PAPLN: variants seen among roughly 807,000 people sequenced by gnomAD.
PAPLN encodes the protein papilin.
Under a neutral mutation model 159.0 loss-of-function variants are expected in PAPLN, and 146 were observed. The ratio of observed to expected loss-of-function variants is 0.92; its 90% CI spans 0.80 to 1.05. The LOEUF (loss-of-function observed/expected upper bound fraction) is 1.05. Among genes scored for constraint, PAPLN ranks in the 50% least tolerant of loss-of-function variants. The pLI is 0.00. For synonymous variants in PAPLN, 734 were observed against 702.9 expected (o/e 1.04, Z -0.70); for missense variants, 1,720 against 1,743.9 (o/e 0.99, Z 0.24).
chr14:73,250,056 T>G lies in PAPLN; in HGVS notation c.407T>G (p.Val136Gly). ...TACTACAAGCACAGGGAGGCTGTGG[T>G]TGATGGGACGCCCTGCGAGCCTGGC... Reference protein sequence around the residue: ...NFYYKHREAVVDGTPCEPGKR... With the variant: ...NFYYKHREAVGDGTPCEPGKR... Residue 136 changes from valine to glycine, a missense_variant, in exon 6 of 27, where the codon GTT becomes GGT. By Grantham distance (109) the Val-to-Gly change is moderately radical. Coordinates refer to ENST00000644200, the MANE Select transcript of PAPLN (RefSeq NM_001365906.3). The G allele has an allele frequency of 6.2e-7, 1 of 1,613,378 alleles. No individual in the cohort carries two copies. Among genetic ancestry groups the G allele is most frequent in the Non-Finnish European group, 8.5e-7 (1 of 1,179,706 alleles).
intron 14 of PAPLN, 28 bp from the exon 15 acceptor site, chr14:73,258,951 C>A (rs2293797): frequency 0.11 from 171,814 of 1,586,834 alleles, 10,914 homozygotes; most frequent in Admixed American, 0.24. Context: ...CCCTCTCCGT[C>A]CCACATGGAC....
At chr14:73,249,875 C>A (rs1435188389) in intron 5 of PAPLN, 109 bp from the exon 6 acceptor site, 1 of 1,312,230 alleles carries the variant, frequency 7.6e-7, no homozygotes, top group East Asian at 2.8e-5. Flanking sequence ...GCGGGGCCTG[C>A]TGCAGGGCTT....
Position 73,265,321 on chromosome 14 carries a change from C to A in PAPLN, c.3126-49C>A. 1.3e-6 allele frequency: 2 copies of A among 1,586,388 alleles called. No individual in the cohort carries two copies. The highest frequency in any genetic ancestry group is 1.7e-6 in the Non-Finnish European group (2 of 1,170,308). ...GTGCAGAGGTGCCCATGGGAGTAGG[C>A]GGGGGCAACGGCAAGGGCCCCTCAT... On this transcript the variant is annotated intron_variant, in intron 22 of 26. Transcript: ENST00000644200. The surrounding 1 kb of genome is among the most constrained non-coding windows in gnomAD (Gnocchi z 4.1).
rs770612844 is a variant in PAPLN at position 73,250,121 on chromosome 14, G to A, written c.465+7G>A. On this transcript the variant is annotated splice_region_variant and intron_variant, in intron 6 of 26. Coordinates refer to ENST00000644200, the MANE Select transcript of PAPLN (RefSeq NM_001365906.3). ...TGTGGATGGCAGCTGCCGGGTGAGTGGTGCCCCAGCCCCTCCCTGCCTCCG... is the reference window on the plus strand; with the variant it reads ...TGTGGATGGCAGCTGCCGGGTGAGTAGTGCCCCAGCCCCTCCCTGCCTCCG... 6.2e-7 allele frequency: 1 copy of A among 1,602,494 alleles called. No individual in the cohort carries two copies. Among genetic ancestry groups the A allele is most frequent in the South Asian group, 1.1e-5 (1 of 88,652 alleles).
At position 73,252,648 on chromosome 14, in the gene PAPLN, G is replaced by A; in HGVS notation, c.968-1G>A. The A allele has an allele frequency of 6.2e-7, 1 of 1,612,326 alleles. No homozygotes were observed. Among genetic ancestry groups the A allele is most frequent in the Non-Finnish European group, 8.5e-7 (1 of 1,179,784 alleles). On this transcript the variant is annotated splice_acceptor_variant, in intron 10 of 26. Transcript: ENST00000644200. LOFTEE classifies it high-confidence loss of function. ...CCCGCCATGGCTGGGCCTCTGCGCAGGTCACCAGTCCCGCCTGGTGTTCTG... is the reference window on the plus strand; with the variant it reads ...CCCGCCATGGCTGGGCCTCTGCGCAAGTCACCAGTCCCGCCTGGTGTTCTG...
chr14:73,254,728 G>A (rs1885698656), intron 13 of PAPLN, 33 bp downstream of exon 13: 2 of 1,604,216 alleles, frequency 1.2e-6, no homozygotes, highest in South Asian at 1.1e-5. Context: ...CCTGCTGCCT[G>A]ACCCTGGTCT....
At chr14:73,261,622 G>A (rs1886598126) in intron 18 of PAPLN, among the ~76,000 whole-genome samples, 1 of 152,254 alleles carries the variant, frequency 6.6e-6, no homozygotes, top group African/African-American at 2.4e-5. Flanking sequence ...TGCCGGGATG[G>A]GCAGGGGTGC....
intron 10 of PAPLN, among the ~76,000 whole-genome samples, 186 bp downstream of exon 10, chr14:73,252,327 A>G (rs1049167622): frequency 6.6e-6 from 1 of 152,150 alleles, no homozygotes; most frequent in African/African-American, 2.4e-5. Flanking sequence ...GACTCCATGA[A>G]GGACCCCAGC....
At chr14:73,270,387 C>T (rs1566712899) in intron 26 of PAPLN, among the ~76,000 whole-genome samples, 1 of 152,214 alleles carries the variant, frequency 6.6e-6, no homozygotes, top group Non-Finnish European at 1.5e-5. Flanking sequence ...CAAATGTTCC[C>T]GCCGCTCGCA....
At chr14:73,256,480 C>A (rs983214284) in intron 14 of PAPLN, among the ~76,000 whole-genome samples, 1 of 128,948 alleles carries the variant, frequency 7.8e-6, no homozygotes, top group South Asian at 2.5e-4. Context: ...TGCAGTGAGC[C>A]GAGATCACGC....
chr14:73,251,723 C>T lies in PAPLN; in HGVS notation c.730C>T (p.Arg244Trp), dbSNP rs763873503. The T allele has an allele frequency of 4.2e-5, 67 of 1,613,114 alleles. No homozygotes were observed. The highest frequency in any genetic ancestry group is 1.1e-4 in the African/African-American group (8 of 74,916). The change falls in exon 9 of 27, where the codon CGG becomes TGG. Residue 244 changes from arginine to tryptophan, a missense_variant. Transcript: ENST00000644200. The stretch of plus-strand genomic sequence containing the variant: ...TGGGCACTGGACCATCGAGGCGGCC[C>T]GGGCCCTGCCAGCAGCCAGCACCAT... ...LNGHWTIEAA[R>W]ALPAASTILH... is the part of the protein sequence containing the mutation.
chr14:73,250,191 A>G, intron 6 of PAPLN, 77 bp downstream of exon 6: 2 of 1,458,102 alleles, frequency 1.4e-6, no homozygotes, highest in Non-Finnish European at 1.8e-6. Context: ...TCCATCACCC[A>G]TAGGCCCAGG....
rs1306808003 is a variant in PAPLN, at chr14:73,265,277, A to G, written c.3126-93A>G. 8 of 1,500,854 alleles carry G rather than the reference A, an allele frequency of 5.3e-6. No homozygotes were observed. The highest frequency in any genetic ancestry group is 4.6e-5 in the East Asian group (2 of 43,580). 93.0% of individuals were successfully genotyped at this position (1,500,854 alleles called of 1,614,324 possible). A position where few individuals can be genotyped will look rare whatever the true frequency, so the allele number is the denominator to read the frequency against. On this transcript the variant is annotated intron_variant, in intron 22 of 26. Coordinates refer to ENST00000644200, the MANE Select transcript of PAPLN (RefSeq NM_001365906.3). The surrounding 1 kb of genome is among the most constrained non-coding windows in gnomAD (Gnocchi z 4.1). ...GGAAGCTGAATCTGGCTGGAGAGGG[A>G]GAAGGGGCCACCAGGCTTGTGCAGA...
At chr14:73,260,564 T>C (rs1886446935) in intron 16 of PAPLN, 145 bp from the exon 17 acceptor site, 1 of 1,084,318 alleles carries the variant, frequency 9.2e-7, no homozygotes, top group Non-Finnish European at 1.2e-6. Context: ...CAAAATGGCC[T>C]GCCCTGCACA....
chr14:73,245,832 G>A lies in PAPLN; in HGVS notation c.231+136G>A. ...GGGGTCCTCCCGCCAATCCACAGCA[G>A]GGCTGCGTGGGGGCCCCTTCCTCAC... is the stretch of plus-strand genomic sequence containing the variant. On this transcript the variant is annotated intron_variant, in intron 4 of 26. Coordinates refer to ENST00000644200, the MANE Select transcript of PAPLN (RefSeq NM_001365906.3). This position sits in a 1 kb window ranked among gnomAD's most constrained non-coding sequence, Gnocchi z 4.2. 8.5e-7 allele frequency: 1 copy of A among 1,175,572 alleles called. No individual in the cohort carries two copies. Among genetic ancestry groups the A allele is most frequent in the Middle Eastern group, 2.8e-4 (1 of 3,524 alleles). 72.8% of individuals were successfully genotyped at this position (1,175,572 alleles called of 1,614,324 possible).
At chr14:73,261,106 A>G (rs376274910) in intron 17 of PAPLN, 50 bp from the exon 18 acceptor site, 16 of 1,613,650 alleles carry the variant, frequency 9.9e-6, no homozygotes, top group African/African-American at 1.3e-5. Flanking sequence ...AGAGTCCCCA[A>G]CAATGGCCAG....
At chr14:73,247,177 C>T (rs1172791797) in intron 5 of PAPLN, among the ~76,000 whole-genome samples, 12 of 152,110 alleles carry the variant, frequency 7.9e-5, no homozygotes, top group Admixed American at 7.9e-4. Flanking sequence ...CTGGAAGGGG[C>T]TTGGTACACC....
At chr14:73,268,479 C>T in intron 25 of PAPLN, 78 bp from the exon 26 acceptor site, 4 of 1,460,092 alleles carry the variant, frequency 2.7e-6, no homozygotes, top group Non-Finnish European at 3.7e-6. Flanking sequence ...TCTGGAATGG[C>T]CTTTGATTAC....
At position 73,244,696 on chromosome 14, in the gene PAPLN, G is replaced by A. The variant is rs771073846; in HGVS notation, c.107G>A (p.Ser36Asn). 1 of 1,599,014 alleles carries A rather than the reference G, an allele frequency of 6.3e-7. No individual in the cohort carries two copies. Among genetic ancestry groups the A allele is most frequent in the Non-Finnish European group, 8.5e-7 (1 of 1,173,300 alleles). The change falls in exon 3 of 27, where the codon AGC (serine) becomes AAC (asparagine). Residue 36 changes from serine to asparagine, a missense_variant. Coordinates refer to ENST00000644200, the MANE Select transcript of PAPLN (RefSeq NM_001365906.3). ...SDTWGPWSQW[S>N]PCSRTCGGGV... ...ACCTGGGGACCCTGGAGCCAGTGGAGCCCCTGCAGCCGGACCTGTGGAGGG... is the reference window on the plus strand; with the variant it reads ...ACCTGGGGACCCTGGAGCCAGTGGAACCCCTGCAGCCGGACCTGTGGAGGG...
Sources: gnomAD v4.1 joint callset for allele counts (sites outside exome capture counted in the v4.1 genomes callset) on GRCh38, gnomAD v4.1.1 for gene constraint, Gnocchi (gnomAD v3.1) non-coding constraint, MANE v1.5 for transcripts, NCBI Gene and HGNC (gene_info 2026-07-23, HGNC 2026-07-21) for gene names.